TNFSF4: variants seen among roughly 807,000 people sequenced by gnomAD.
The protein encoded by TNFSF4 is tumor necrosis factor ligand superfamily member 4.
A neutral mutation model predicts 7.3 loss-of-function variants in TNFSF4; 4 were observed. The ratio of observed to expected loss-of-function variants is 0.55; its 90% CI spans 0.27 to 1.25. The LOEUF (loss-of-function observed/expected upper bound fraction) is 1.25. TNFSF4 is among the 50% of genes most tolerant of loss of function. TNFSF4 has a pLI of 0.12. For missense variants in TNFSF4, 181 were observed against 208.8 expected, an observed-to-expected ratio of 0.87 and a Z score of 0.82; for synonymous variants, 76 against 83.7, an observed-to-expected ratio of 0.91 and a Z score of 0.50.
the TNFSF4 span, among the ~76,000 whole-genome samples, chr1:173,315,282 T>TA: frequency 1.1e-4 from 16 of 152,218 alleles, no homozygotes; most frequent in East Asian, 2.3e-3. Flanking sequence ...AAGAGGATTT[T>TA]AAAAATCAGT....
the TNFSF4 span, among the ~76,000 whole-genome samples, chr1:173,432,545 C>T: frequency 1.3e-5 from 2 of 152,104 alleles, no homozygotes; most frequent in East Asian, 3.9e-4. Context: ...TAGAAACCAA[C>T]CCTGCTGGCA....
chr1:173,409,475 G>A, the TNFSF4 span, among the ~76,000 whole-genome samples: 26 of 151,968 alleles, frequency 1.7e-4, no homozygotes, highest in African/African-American at 3.9e-4. Context: ...AAAGTGATAC[G>A]GCATCATGCA....
the TNFSF4 span, among the ~76,000 whole-genome samples, chr1:173,424,114 G>A: frequency 6.6e-5 from 10 of 152,214 alleles, no homozygotes; most frequent in Non-Finnish European, 1.0e-4. Context: ...CTGCTCTCAG[G>A]ACTTAGGCCT....
the TNFSF4 span, among the ~76,000 whole-genome samples, chr1:173,394,763 T>A: frequency 6.6e-6 from 1 of 152,098 alleles, no homozygotes; most frequent in African/African-American, 2.4e-5. Context: ...ACCACTGGCT[T>A]CCCTGGCCTC....
the TNFSF4 span, among the ~76,000 whole-genome samples, chr1:173,344,415 T>G: frequency 6.6e-6 from 1 of 152,218 alleles, no homozygotes; most frequent in Non-Finnish European, 1.5e-5. Flanking sequence ...GCTCTCCTCA[T>G]TTGCAAACAA....
chr1:173,287,941 T>A, the TNFSF4 span, among the ~76,000 whole-genome samples: 1 of 152,222 alleles, frequency 6.6e-6, no homozygotes, highest in Non-Finnish European at 1.5e-5. Flanking sequence ...ATATTCTACA[T>A]CTTGATGAGG....
chr1:173,428,430 A>C, the TNFSF4 span, among the ~76,000 whole-genome samples: 4 of 152,256 alleles, frequency 2.6e-5, no homozygotes, highest in African/African-American at 9.6e-5. Context: ...ACTGATTGCC[A>C]GGATAACAAA....
the TNFSF4 span, among the ~76,000 whole-genome samples, chr1:173,282,709 G>T: frequency 2.0e-5 from 3 of 151,994 alleles, no homozygotes; most frequent in African/African-American, 2.4e-5. Flanking sequence ...CACCCACCTT[G>T]GTCTTCCAAA....
At chr1:173,348,611 A>G in the TNFSF4 span, among the ~76,000 whole-genome samples, 1 of 152,234 alleles carries the variant, frequency 6.6e-6, no homozygotes, top group African/African-American at 2.4e-5. Context: ...AAACCAACAA[A>G]GCCAAAAGCT....
At chr1:173,189,395 CAGGGGACAA>C (rs1649376362) in intron 1 of TNFSF4, among the ~76,000 whole-genome samples, 1 of 152,106 alleles carries the variant, frequency 6.6e-6, no homozygotes, top group Non-Finnish European at 1.5e-5. Context: ...ATCCTATTTT[CAGGGGACAA>C]AGGCAATAAA....
At chr1:173,259,319 A>T in the TNFSF4 span, among the ~76,000 whole-genome samples, 1 of 128,476 alleles carries the variant, frequency 7.8e-6, no homozygotes, top group Non-Finnish European at 1.8e-5. Flanking sequence ...AACAAAAAAG[A>T]CCCCAAAAAA....
the TNFSF4 span, among the ~76,000 whole-genome samples, chr1:173,257,741 A>T: frequency 2.0e-5 from 3 of 152,212 alleles, no homozygotes; most frequent in African/African-American, 7.2e-5. Flanking sequence ...CTGGCACATC[A>T]TGTAGGACAG....
chr1:173,328,035 C>T, the TNFSF4 span, among the ~76,000 whole-genome samples: 2 of 152,128 alleles, frequency 1.3e-5, no homozygotes, highest in African/African-American at 4.8e-5. Context: ...AATCATGCTG[C>T]TATAAAGACA....
chr1:173,268,445 G>A, the TNFSF4 span, among the ~76,000 whole-genome samples: 1 of 152,060 alleles, frequency 6.6e-6, no homozygotes, highest in Non-Finnish European at 1.5e-5. Flanking sequence ...ACCACTAACA[G>A]TGGTAAAACA....
chr1:173,350,424 C>T, the TNFSF4 span, among the ~76,000 whole-genome samples: 1 of 152,164 alleles, frequency 6.6e-6, no homozygotes, highest in Non-Finnish European at 1.5e-5. Flanking sequence ...CCTGGCTCTA[C>T]CTGAGGCCTA....
chr1:173,296,672 C>T, the TNFSF4 span, among the ~76,000 whole-genome samples: 1 of 151,914 alleles, frequency 6.6e-6, no homozygotes, highest in Non-Finnish European at 1.5e-5. Context: ...GATACACTGC[C>T]AAGCACAGAC....
chr1:173,268,752 A>G, the TNFSF4 span, among the ~76,000 whole-genome samples: 1 of 152,130 alleles, frequency 6.6e-6, no homozygotes, highest in Non-Finnish European at 1.5e-5. Context: ...CTCACTTCAA[A>G]CATGACATAG....
chr1:173,405,283 T>C, the TNFSF4 span, among the ~76,000 whole-genome samples: 1 of 152,224 alleles, frequency 6.6e-6, no homozygotes, highest in Non-Finnish European at 1.5e-5. Context: ...ACAAAATGGG[T>C]GTAGCTGGGG....
the TNFSF4 span, among the ~76,000 whole-genome samples, chr1:173,408,624 C>A: frequency 6.6e-6 from 1 of 151,024 alleles, no homozygotes; most frequent in African/African-American, 2.4e-5. Context: ...GACAGGGTCT[C>A]ACTCCTGTCA....
Sources: gnomAD v4.1 joint callset for allele counts (sites outside exome capture counted in the v4.1 genomes callset) on GRCh38, gnomAD v4.1.1 for gene constraint, MANE v1.5 for transcripts, NCBI Gene and HGNC (gene_info 2026-07-23, HGNC 2026-07-21) for gene names.